Variants in GNAO1 observed in about 807,000 individuals in gnomAD.
GNAO1 encodes G protein subunit alpha o1, also known as guanine nucleotide-binding protein G(o) subunit alpha.
For synonymous variants in GNAO1, 164 were observed against 180.7 expected, an observed-to-expected ratio of 0.91 and a Z score of 0.74; for missense variants, 166 against 478.7, an observed-to-expected ratio of 0.35 and a Z score of 6.10.
At chr16:56,218,284 G>A (rs1297386192) in intron 2 of GNAO1, among the ~76,000 whole-genome samples, 1 of 152,166 alleles carries the variant, frequency 6.6e-6, no homozygotes, top group Non-Finnish European at 1.5e-5. Context: ...ACACCTTCCT[G>A]AACAAAGAGG....
chr16:56,349,484 C>T (rs752617922), intron 6 of GNAO1, among the ~76,000 whole-genome samples: 3 of 152,218 alleles, frequency 2.0e-5, no homozygotes, highest in Non-Finnish European at 2.9e-5. Flanking sequence ...CAGAAGCCTC[C>T]GGCTGCCCTT....
chr16:56,199,924 G>A (rs2036267028), intron 2 of GNAO1, among the ~76,000 whole-genome samples: 1 of 152,104 alleles, frequency 6.6e-6, no homozygotes, highest in Admixed American at 6.5e-5. Context: ...CCTGAATTTG[G>A]CCCCTTACTC....
chr16:56,262,512 TG>T (rs1168914336), intron 2 of GNAO1, among the ~76,000 whole-genome samples: 2 of 152,048 alleles, frequency 1.3e-5, no homozygotes, highest in Admixed American at 6.5e-5. Flanking sequence ...ACATAAATAA[TG>T]AACAAACATA....
intron 2 of GNAO1, among the ~76,000 whole-genome samples, chr16:56,196,882 A>C (rs369515706): frequency 1.3e-5 from 2 of 152,206 alleles, no homozygotes; most frequent in African/African-American, 4.8e-5. Context: ...CAGCCTGACA[A>C]GTGGGATGTG....
chr16:56,310,890 C>A (rs1268262486), intron 3 of GNAO1, among the ~76,000 whole-genome samples: 1 of 152,124 alleles, frequency 6.6e-6, no homozygotes, highest in Non-Finnish European at 1.5e-5. Flanking sequence ...TCTTATGGCA[C>A]CACCACCCCC....
chr16:56,275,810 C>A, intron 2 of GNAO1, 121 bp from the exon 3 acceptor site: 1 of 673,830 alleles, frequency 1.5e-6, no homozygotes, highest in Non-Finnish European at 2.3e-6. Flanking sequence ...TGTAGCAACT[C>A]AGTAACTCAG....
chr16:56,266,213 G>A (rs1212795887), intron 2 of GNAO1, among the ~76,000 whole-genome samples: 4 of 152,238 alleles, frequency 2.6e-5, no homozygotes, highest in African/African-American at 9.7e-5. Context: ...CCTGGGTGCT[G>A]TGTGAACTGC....
chr16:56,344,999 AG>A, intron 6 of GNAO1: 3 of 985,218 alleles, frequency 3.0e-6, no homozygotes, highest in Non-Finnish European at 3.6e-6. Context: ...AGAGGACAGC[AG>A]GGGGATGGAG....
At chr16:56,290,848 T>C (rs2037224445) in intron 3 of GNAO1, among the ~76,000 whole-genome samples, 1 of 152,220 alleles carries the variant, frequency 6.6e-6, no homozygotes, top group Non-Finnish European at 1.5e-5. Context: ...GCTCTCTGTC[T>C]CTATGGATTT....
rs556316940 is a variant in GNAO1, at chr16:56,244,564, G to A, written c.162-31367G>A. ...CTGGATCCCTCATTGCTTGTTCTGG[G>A]ACCACTTGCTGGGGAAGGCCACCCT... On this transcript the variant is annotated intron_variant, in intron 2 of 8. Transcript: ENST00000262493. Among the ~76,000 whole-genome samples the A allele has an allele frequency of 2.0e-5, 3 of 152,068 alleles. No homozygotes were observed. In the East Asian group the frequency reaches 5.8e-4, roughly 30 times the overall value.
chr16:56,285,858 T>G (rs1314408207), intron 3 of GNAO1, among the ~76,000 whole-genome samples: 1 of 152,186 alleles, frequency 6.6e-6, no homozygotes, highest in Non-Finnish European at 1.5e-5. Context: ...GTGAGAGATC[T>G]CTCTCCCGAC....
chr16:56,351,656 G>A lies in GNAO1; in HGVS notation c.877+119G>A. On this transcript the variant is annotated intron_variant, in intron 7 of 8. Coordinates refer to ENST00000262493, the MANE Select transcript of GNAO1 (RefSeq NM_020988.3). This position sits in a 1 kb window ranked among gnomAD's most constrained non-coding sequence, Gnocchi z 6.1. Reference sequence around the variant, plus strand: ...TAGCTGGCGAGCGGGACCCATTGCAGGAGACTGGTGGGGCGCAAAAGAAAA... The same window carrying A: ...TAGCTGGCGAGCGGGACCCATTGCAAGAGACTGGTGGGGCGCAAAAGAAAA... 2.7e-6 allele frequency: 2 copies of A among 741,962 alleles called. No individual in the cohort carries two copies. Among genetic ancestry groups the A allele is most frequent in the Non-Finnish European group, 4.5e-6 (2 of 448,324 alleles). The allele number at this position is 741,962 out of a possible 1,614,324, so 46.0% of individuals were successfully genotyped here.
chr16:56,336,961 C>G, intron 6 of GNAO1, 101 bp downstream of exon 6: 1 of 1,151,034 alleles, frequency 8.7e-7, no homozygotes, highest in East Asian at 2.6e-5. Context: ...CACAATGGCT[C>G]TGGGGTCCAG....
In GNAO1 at chr16:56,311,016, G is replaced by A. The variant is rs1367818930; in HGVS notation, c.304-17615G>A. Among the ~76,000 whole-genome samples, 2 of 152,174 alleles carry A rather than the reference G, an allele frequency of 1.3e-5. No individual in the cohort carries two copies. The highest frequency in any genetic ancestry group is 2.4e-5 in the African/African-American group (1 of 41,442). On this transcript the variant is annotated intron_variant, in intron 3 of 8. Coordinates refer to ENST00000262493, the MANE Select transcript of GNAO1 (RefSeq NM_020988.3). The surrounding 1 kb of genome is among the most constrained non-coding windows in gnomAD (Gnocchi z 5.2). Reference sequence around the variant, plus strand: ...TGATTTCAACTTAGTTACATGGCAGGTTGTGGCCTACAGAAAAGTTCCCGA... The same window carrying A: ...TGATTTCAACTTAGTTACATGGCAGATTGTGGCCTACAGAAAAGTTCCCGA...
intron 3 of GNAO1, among the ~76,000 whole-genome samples, chr16:56,317,285 A>G (rs1307635585): frequency 4.6e-5 from 7 of 152,316 alleles, no homozygotes; most frequent in East Asian, 3.9e-4. Flanking sequence ...GACCCCTGAC[A>G]CAGAAGGGAC....
intron 3 of GNAO1, among the ~76,000 whole-genome samples, chr16:56,294,252 G>A (rs1211080992): frequency 1.3e-5 from 2 of 152,116 alleles, no homozygotes; most frequent in African/African-American, 2.4e-5. Flanking sequence ...AGGCGGGATG[G>A]GGGACCAGCA....
chr16:56,283,587 T>G (rs2037135065), intron 3 of GNAO1, among the ~76,000 whole-genome samples: 1 of 152,208 alleles, frequency 6.6e-6, no homozygotes, highest in Non-Finnish European at 1.5e-5. Context: ...CGGTTCACCT[T>G]GTGGTTTGCA....
intron 6 of GNAO1, chr16:56,340,797 G>A (rs764145470): frequency 2.5e-6 from 4 of 1,600,266 alleles, no homozygotes; most frequent in African/African-American, 1.3e-5. Flanking sequence ...GGCCCTGGAT[G>A]CTGCCGCCCC....
chr16:56,224,274 G>A (rs1324815334), intron 2 of GNAO1, among the ~76,000 whole-genome samples: 2 of 152,202 alleles, frequency 1.3e-5, no homozygotes, highest in Non-Finnish European at 2.9e-5. Flanking sequence ...GTAGAAGAGT[G>A]AGAGGTGAGA....
Sources: gnomAD v4.1 joint callset for allele counts (sites outside exome capture counted in the v4.1 genomes callset) on GRCh38, gnomAD v4.1.1 for gene constraint, Gnocchi (gnomAD v3.1) non-coding constraint, MANE v1.5 for transcripts, NCBI Gene and HGNC (gene_info 2026-07-23, HGNC 2026-07-21) for gene names.